ZSCAN5A: variants seen among roughly 807,000 people sequenced by gnomAD.
The protein encoded by ZSCAN5A is zinc finger and SCAN domain containing 5A, also known as zinc finger and SCAN domain-containing protein 5A.
A neutral mutation model predicts 23.7 loss-of-function variants in ZSCAN5A; 12 were observed. The ratio of observed to expected loss-of-function variants is 0.51; its 90% confidence interval spans 0.32 to 0.82. The LOEUF (loss-of-function observed/expected upper bound fraction) is 0.82. Ranked by LOEUF, ZSCAN5A falls within the 40% of genes least tolerant of loss-of-function variation. The probability of loss-of-function intolerance (pLI) is 0.03; values close to 1 mark genes in which losing one functional copy is unlikely to be tolerated. For synonymous variants in ZSCAN5A, 257 were observed against 239.9 expected (o/e 1.07, Z -0.66); for missense variants, 597 against 617.9 (o/e 0.97, Z 0.36).
At chr19:56,342,607 G>A in intron 2 of ZSCAN5A, 1 of 440,452 alleles carries the variant, frequency 2.3e-6, no homozygotes. Context: ...TGAACATCCT[G>A]CACTCTTCCT....
chr19:56,280,113 G>C (rs1052393034), intron 2 of ZSCAN5A, among the ~76,000 whole-genome samples: 2 of 152,126 alleles, frequency 1.3e-5, no homozygotes, highest in Non-Finnish European at 2.9e-5. Flanking sequence ...GATATTTTAT[G>C]CAAGTAGAAA....
chr19:56,302,545 G>T lies in ZSCAN5A; in HGVS notation c.-128+10738C>A, dbSNP rs867048694. 5.1e-4 allele frequency among the ~76,000 whole-genome samples: 11 copies of T among 21,632 alleles called. No individual in the cohort carries two copies. In the East Asian group the frequency reaches 9.5e-3, roughly 19 times the overall value. 14.2% of individuals were successfully genotyped at this position (21,632 alleles called of 152,430 possible). On this transcript the variant is annotated intron_variant, in intron 2 of 5. Transcript: ENST00000683990. The stretch of plus-strand genomic sequence containing the variant: ...CCCTCCCTCCCTCTTCTTCCTCCCC[G>T]TTCCTCCCTCCCTCCCCCCTTCCTT...
chr19:56,361,710 G>A (rs2041734412), intron 2 of ZSCAN5A, among the ~76,000 whole-genome samples: 1 of 151,934 alleles, frequency 6.6e-6, no homozygotes, highest in African/African-American at 2.4e-5. Context: ...GTCAGAGGAG[G>A]GCATGGTTGG....
chr19:56,267,828 G>T (rs746725208), intron 2 of ZSCAN5A, among the ~76,000 whole-genome samples: 15 of 152,194 alleles, frequency 9.9e-5, no homozygotes, highest in Admixed American at 3.3e-4. Flanking sequence ...TCTTAGAAGA[G>T]CATCTGGGAT....
intron 2 of ZSCAN5A, among the ~76,000 whole-genome samples, chr19:56,285,227 T>C (rs1453176730): frequency 1.3e-5 from 2 of 152,234 alleles, no homozygotes; most frequent in African/African-American, 2.4e-5. Context: ...CTAATAATTA[T>C]TATGCTGTGG....
intron 2 of ZSCAN5A, among the ~76,000 whole-genome samples, chr19:56,325,001 G>A (rs900469064): frequency 6.6e-6 from 1 of 152,122 alleles, no homozygotes; most frequent in Non-Finnish European, 1.5e-5. Context: ...AAGAACTAGG[G>A]TCCCAGACTG....
At chr19:56,267,116 A>T (rs1049580246) in intron 2 of ZSCAN5A, among the ~76,000 whole-genome samples, 8 of 152,304 alleles carry the variant, frequency 5.3e-5, no homozygotes, top group African/African-American at 1.9e-4. Context: ...CATCTCAGTG[A>T]GGTCTCTCCT....
intron 2 of ZSCAN5A, among the ~76,000 whole-genome samples, chr19:56,259,057 C>A (rs8110446): frequency 0.069 from 10,512 of 152,074 alleles, 1,231 homozygotes; most frequent in African/African-American, 0.24. Flanking sequence ...AGACCCTGAG[C>A]CTAACCACCC....
chr19:56,228,201 C>A, intron 2 of ZSCAN5A: 1 of 984,976 alleles, frequency 1.0e-6, no homozygotes, highest in Non-Finnish European at 1.2e-6. Flanking sequence ...TGAAACCAAC[C>A]CCCGACATGC....
In ZSCAN5A at chr19:56,223,583, T is replaced by C. The variant is rs140046789; in HGVS notation, c.588+48A>G. On this transcript the variant is annotated intron_variant, in intron 4 of 5. Transcript: ENST00000683990. ...GTCCAGCGGCCACACGATTTCCTCC[T>C]GTTCCTTCTCCCACCTCTGCCCAGA... is the stretch of plus-strand genomic sequence containing the variant. The C allele has an allele frequency of 4.7e-4, 758 of 1,596,934 alleles. 3 individuals are homozygous for C. In the African/African-American group the frequency reaches 7.4e-3, roughly 16 times the overall value.
intron 2 of ZSCAN5A, among the ~76,000 whole-genome samples, chr19:56,353,452 C>T (rs2041680166): frequency 6.6e-6 from 1 of 152,130 alleles, no homozygotes; most frequent in South Asian, 2.1e-4. Context: ...ATGTTGGCTG[C>T]ACATGACAGT....
At chr19:56,242,126 A>G (rs112127022) in intron 2 of ZSCAN5A, among the ~76,000 whole-genome samples, 43 of 152,148 alleles carry the variant, frequency 2.8e-4, no homozygotes, top group African/African-American at 1.0e-3. Flanking sequence ...ACTGTCTCCC[A>G]TATCGGCTGC....
chr19:56,356,482 G>C lies in ZSCAN5A; in HGVS notation c.-358+6753C>G, dbSNP rs1181045935. On this transcript the variant is annotated intron_variant, in intron 2 of 6. Coordinates refer to the ZSCAN5A transcript ENST00000587340. ...AGAGCTCTAAGGAATGTGAAACTGGGGAGTATAGATGAGGCTCATGGAGCA... is the reference window on the plus strand; with the variant it reads ...AGAGCTCTAAGGAATGTGAAACTGGCGAGTATAGATGAGGCTCATGGAGCA... Among the ~76,000 whole-genome samples, 3 of 148,206 alleles carry C rather than the reference G, an allele frequency of 2.0e-5. 1 individual carries two copies. The highest frequency in any genetic ancestry group is 7.7e-5 in the African/African-American group (3 of 39,170).
At chr19:56,244,157 G>C (rs570775392) in intron 2 of ZSCAN5A, 13 of 1,607,296 alleles carry the variant, frequency 8.1e-6, no homozygotes, top group Non-Finnish European at 1.1e-5. Flanking sequence ...TCATGACTGG[G>C]ACCCTGAGAC....
intron 2 of ZSCAN5A, chr19:56,302,890 G>C (rs2040440479): frequency 2.5e-6 from 1 of 398,530 alleles, no homozygotes; most frequent in South Asian, 1.3e-4. Context: ...GGACTCTGAT[G>C]GTTGAGCTAC....
intron 2 of ZSCAN5A, among the ~76,000 whole-genome samples, chr19:56,230,992 C>G (rs1010354980): frequency 2.0e-5 from 3 of 152,126 alleles, no homozygotes; most frequent in Non-Finnish European, 4.4e-5. Context: ...GTAACGTACA[C>G]AGCTGAAAGC....
chr19:56,350,849 A>G (rs1351162765), intron 2 of ZSCAN5A, among the ~76,000 whole-genome samples: 1 of 151,548 alleles, frequency 6.6e-6, no homozygotes, highest in Admixed American at 6.6e-5. Flanking sequence ...TATTTTATTA[A>G]ATAATGTTTT....
chr19:56,311,396 C>T (rs933797854), intron 2 of ZSCAN5A, among the ~76,000 whole-genome samples: 4 of 152,246 alleles, frequency 2.6e-5, no homozygotes, highest in African/African-American at 9.6e-5. Context: ...AATTGCATTA[C>T]ATAATTGAAA....
At chr19:56,258,905 C>G (rs566323339) in intron 2 of ZSCAN5A, among the ~76,000 whole-genome samples, 13 of 152,286 alleles carry the variant, frequency 8.5e-5, no homozygotes, top group African/African-American at 2.4e-4. Context: ...GTCCCATTGT[C>G]CAGAGGCTGC....
Sources: allele counts gnomAD v4.1 joint callset (sites outside exome capture counted in the v4.1 genomes callset), GRCh38; gene constraint gnomAD v4.1.1; transcripts MANE v1.5; gene names NCBI Gene and HGNC (gene_info 2026-07-23, HGNC 2026-07-21).